RABGAP1L: variants seen among roughly 807,000 people sequenced by gnomAD.
The protein encoded by RABGAP1L is rab GTPase-activating protein 1-like.
In RABGAP1L, 63 loss-of-function variants were observed where a neutral mutation model predicts 137.7. That is an observed-to-expected ratio of 0.46 (90% confidence interval 0.37 to 0.56). The LOEUF (loss-of-function observed/expected upper bound fraction) is 0.56, where lower values mean the gene tolerates loss of function less well. RABGAP1L is among the 20% of genes least tolerant of loss of function. The pLI is 0.00. For synonymous variants in RABGAP1L, 431 were observed against 433.7 expected, an observed-to-expected ratio of 0.99 and a Z score of 0.08; for missense variants, 1,095 against 1,244.0, an observed-to-expected ratio of 0.88 and a Z score of 1.80.
At chr1:174,802,435 C>G (rs963890306) in intron 18 of RABGAP1L, among the ~76,000 whole-genome samples, 2 of 152,146 alleles carry the variant, frequency 1.3e-5, no homozygotes, top group African/African-American at 4.8e-5. Flanking sequence ...TGGAGAAACC[C>G]CATCTCTACT....
chr1:174,696,234 T>C (rs1036603163), intron 15 of RABGAP1L, among the ~76,000 whole-genome samples: 5 of 152,078 alleles, frequency 3.3e-5, no homozygotes, highest in Non-Finnish European at 5.9e-5. Flanking sequence ...CTCTGCTTCA[T>C]GTTACTGTGG....
intron 19 of RABGAP1L, among the ~76,000 whole-genome samples, chr1:174,883,489 A>G (rs1654591298): frequency 6.6e-6 from 1 of 152,198 alleles, no homozygotes; most frequent in Admixed American, 6.5e-5. Context: ...TTGCTTGATT[A>G]GGGAATCACT....
At chr1:174,422,942 G>A (rs1289178412) in intron 13 of RABGAP1L, among the ~76,000 whole-genome samples, 1 of 97,216 alleles carries the variant, frequency 1.0e-5, no homozygotes, top group African/African-American at 4.9e-5. Flanking sequence ...GTGAGATTCT[G>A]TCCAAAAAAA....
intron 13 of RABGAP1L, among the ~76,000 whole-genome samples, chr1:174,431,693 T>C (rs1652651648): frequency 6.6e-6 from 1 of 152,186 alleles, no homozygotes; most frequent in Non-Finnish European, 1.5e-5. Flanking sequence ...TATAGAGTTA[T>C]GTATTATTTT....
At chr1:174,263,263 T>C (rs1278821979) in intron 7 of RABGAP1L, among the ~76,000 whole-genome samples, 1 of 152,216 alleles carries the variant, frequency 6.6e-6, no homozygotes, top group East Asian at 1.9e-4. Context: ...TCTTTGCTAT[T>C]CATTGGGCTG....
At chr1:174,853,293 C>T (rs1200486232) in intron 19 of RABGAP1L, among the ~76,000 whole-genome samples, 1 of 149,612 alleles carries the variant, frequency 6.7e-6, no homozygotes, top group Non-Finnish European at 1.5e-5. Flanking sequence ...ATATATTATA[C>T]TGAGCTTTAT....
intron 13 of RABGAP1L, among the ~76,000 whole-genome samples, chr1:174,481,028 A>G (rs1356171873): frequency 2.0e-5 from 3 of 151,950 alleles, no homozygotes; most frequent in Non-Finnish European, 4.4e-5. Context: ...CTGATTTTTT[A>G]CTCTCACCTT....
At chr1:174,373,913 A>G (rs1014424645) in intron 12 of RABGAP1L, among the ~76,000 whole-genome samples, 1 of 152,190 alleles carries the variant, frequency 6.6e-6, no homozygotes, top group African/African-American at 2.4e-5. Context: ...TGACTACAAA[A>G]GGGTAAAAGC....
intron 18 of RABGAP1L, among the ~76,000 whole-genome samples, chr1:174,799,448 G>A (rs1044096862): frequency 2.0e-5 from 3 of 152,070 alleles, no homozygotes; most frequent in South Asian, 4.1e-4. Context: ...ATCTATTCTC[G>A]TTGTTAGAAA....
At chr1:174,197,396 G>A (rs1571497400) in intron 1 of RABGAP1L, among the ~76,000 whole-genome samples, 1 of 136,196 alleles carries the variant, frequency 7.3e-6, no homozygotes, top group African/African-American at 2.9e-5. Context: ...TACACTGCCC[G>A]ATCTTAATCA....
intron 12 of RABGAP1L, among the ~76,000 whole-genome samples, chr1:174,383,503 T>C (rs1451642520): frequency 6.6e-6 from 1 of 152,166 alleles, no homozygotes; most frequent in Non-Finnish European, 1.5e-5. Context: ...TGCGCCGTTT[T>C]TTAAGCCGGT....
At chr1:174,865,813 T>A (rs1359963478) in intron 19 of RABGAP1L, among the ~76,000 whole-genome samples, 2 of 152,098 alleles carry the variant, frequency 1.3e-5, no homozygotes, top group Non-Finnish European at 2.9e-5. Flanking sequence ...ATAGTAACTA[T>A]AAATAATAGA....
intron 18 of RABGAP1L, among the ~76,000 whole-genome samples, chr1:174,756,289 ACAAGTGCAAGCCAC>A (rs770303908): frequency 6.6e-6 from 1 of 152,064 alleles, no homozygotes; most frequent in East Asian, 1.9e-4. Flanking sequence ...GGCTGGGATT[ACAAGTGCAAGCCAC>A]CAAGCCCTGC....
chr1:174,942,065 C>T (rs1165625997), intron 19 of RABGAP1L, among the ~76,000 whole-genome samples: 1 of 152,156 alleles, frequency 6.6e-6, no homozygotes, highest in Non-Finnish European at 1.5e-5. Context: ...ACACTGGGAG[C>T]CAATGTGTGA....
At chr1:174,506,417 A>T (rs896410664) in intron 13 of RABGAP1L, among the ~76,000 whole-genome samples, 2 of 152,222 alleles carry the variant, frequency 1.3e-5, no homozygotes, top group East Asian at 3.8e-4. Context: ...GATACACAAT[A>T]ATTAAAACAA....
At chr1:174,877,836 C>G (rs1653397179) in intron 19 of RABGAP1L, among the ~76,000 whole-genome samples, 1 of 152,138 alleles carries the variant, frequency 6.6e-6, no homozygotes, top group African/African-American at 2.4e-5. Flanking sequence ...TGCCAAATAT[C>G]ACTTTGTCTT....
chr1:174,264,779 G>C (rs976436348), intron 7 of RABGAP1L, among the ~76,000 whole-genome samples: 1 of 143,454 alleles, frequency 7.0e-6, no homozygotes, highest in Non-Finnish European at 1.5e-5. Flanking sequence ...AGGGATTAAA[G>C]AAAAAATACG....
chr1:174,559,273 A>T (rs1013132873), intron 13 of RABGAP1L, among the ~76,000 whole-genome samples: 2 of 152,324 alleles, frequency 1.3e-5, no homozygotes, highest in East Asian at 3.9e-4. Flanking sequence ...AAAAATTTCA[A>T]CTTTGGTCTG....
chr1:174,377,885 C>T (rs1220831233), intron 12 of RABGAP1L, among the ~76,000 whole-genome samples: 92 of 134,046 alleles, frequency 6.9e-4, no homozygotes, highest in African/African-American at 2.7e-3. Context: ...GCTGCACCCA[C>T]TAACTCATCA....
Sources: allele counts gnomAD v4.1 joint callset (sites outside exome capture counted in the v4.1 genomes callset), GRCh38; gene constraint gnomAD v4.1.1; transcripts MANE v1.5; gene names NCBI Gene and HGNC (gene_info 2026-07-23, HGNC 2026-07-21).